The following DCDC2 variants were observed in gnomAD, a reference collection of about 807,000 sequenced individuals.
DCDC2 encodes the protein doublecortin domain containing 2.
Under a neutral mutation model 50.2 loss-of-function variants are expected in DCDC2, and 40 were observed. The observed-to-expected ratio is 0.80, with a 90% CI of 0.62 to 1.04. DCDC2 has a LOEUF of 1.04. Ranked by LOEUF, DCDC2 falls within the 50% of genes least tolerant of loss-of-function variation. DCDC2 has a pLI of 0.00. For missense variants in DCDC2, 570 were observed against 581.9 expected (o/e 0.98, Z 0.21); for synonymous variants, 234 against 210.6 (o/e 1.11, Z -0.96).
intron 7 of DCDC2, among the ~76,000 whole-genome samples, chr6:24,233,032 GT>G (rs1762371097): frequency 6.6e-6 from 1 of 152,154 alleles, no homozygotes; most frequent in African/African-American, 2.4e-5. Flanking sequence ...TGAGTTATTT[GT>G]TTTCTATGTT....
intron 7 of DCDC2, among the ~76,000 whole-genome samples, chr6:24,209,027 T>C (rs9467076): frequency 0.11 from 17,181 of 152,162 alleles, 1,055 homozygotes; most frequent in Middle Eastern, 0.16. Flanking sequence ...TTAAAATCAT[T>C]TGATGCCAAA....
intron 7 of DCDC2, among the ~76,000 whole-genome samples, chr6:24,217,362 A>G (rs1164948556): frequency 6.6e-6 from 1 of 152,260 alleles, no homozygotes; most frequent in African/African-American, 2.4e-5. Flanking sequence ...ACCGAGTAAC[A>G]TCTCTAATAA....
Position 24,353,892 on chromosome 6 carries a change from T to C in DCDC2, c.294-269A>G, listed in dbSNP as rs928085614. Among the ~76,000 whole-genome samples the C allele has an allele frequency of 9.2e-5, 14 of 152,354 alleles. No individual in the cohort carries two copies. The South Asian group carries it at 1.4e-3, about 16-fold the overall frequency. ...ATTAGAGAACATTTTTCCCTCTTAATAGTTAGCTGCTTACTATATACACTA... is the reference window on the plus strand; with the variant it reads ...ATTAGAGAACATTTTTCCCTCTTAACAGTTAGCTGCTTACTATATACACTA... On this transcript the variant is annotated intron_variant, in intron 1 of 9. Coordinates refer to ENST00000378454, the MANE Select transcript of DCDC2 (RefSeq NM_016356.5).
At chr6:24,350,254 G>A (rs1051998124) in intron 2 of DCDC2, among the ~76,000 whole-genome samples, 3 of 152,256 alleles carry the variant, frequency 2.0e-5, no homozygotes, top group South Asian at 2.1e-4. Flanking sequence ...CAATAAGCAG[G>A]TGCCATCTTG....
chr6:24,243,857 G>A (rs1276383598), intron 7 of DCDC2, among the ~76,000 whole-genome samples: 1 of 152,162 alleles, frequency 6.6e-6, no homozygotes, highest in African/African-American at 2.4e-5. Context: ...AGGGAAGAGA[G>A]ATAGGGAGAG....
At chr6:24,221,255 C>G (rs903556650) in intron 7 of DCDC2, among the ~76,000 whole-genome samples, 15 of 152,220 alleles carry the variant, frequency 9.9e-5, no homozygotes, top group South Asian at 2.1e-4. Context: ...AGAATTTGGC[C>G]TCACTTCAGC....
At chr6:24,379,285 A>T in the DCDC2 span, among the ~76,000 whole-genome samples, 1 of 152,220 alleles carries the variant, frequency 6.6e-6, no homozygotes, top group Non-Finnish European at 1.5e-5. Context: ...TTTGCAATCT[A>T]TCCATCTGAC....
At chr6:24,371,663 A>G in the DCDC2 span, among the ~76,000 whole-genome samples, 2 of 152,210 alleles carry the variant, frequency 1.3e-5, no homozygotes, top group Admixed American at 6.5e-5. Context: ...ACAGCAAAAG[A>G]TACTACCATC....
chr6:24,192,348 G>T (rs914385960), intron 8 of DCDC2, among the ~76,000 whole-genome samples: 31 of 151,372 alleles, frequency 2.0e-4, no homozygotes, highest in African/African-American at 6.3e-4. Flanking sequence ...GCCTGCCAAT[G>T]AAATGGCCAA....
chr6:24,191,822 G>C (rs572143663), intron 8 of DCDC2, among the ~76,000 whole-genome samples: 6 of 152,280 alleles, frequency 3.9e-5, no homozygotes, highest in African/African-American at 1.4e-4. Flanking sequence ...AGTGGAAAGG[G>C]AATATCAACC....
At chr6:24,345,180 A>G (rs1760232695) in intron 2 of DCDC2, among the ~76,000 whole-genome samples, 2 of 152,110 alleles carry the variant, frequency 1.3e-5, no homozygotes, top group South Asian at 2.1e-4. Context: ...TAAACCACAT[A>G]ATCACCATGC....
At chr6:24,263,365 G>C (rs994520507) in intron 7 of DCDC2, among the ~76,000 whole-genome samples, 2 of 152,062 alleles carry the variant, frequency 1.3e-5, no homozygotes, top group Non-Finnish European at 2.9e-5. Context: ...AGACCATCCC[G>C]AGAAACATGA....
intron 8 of DCDC2, among the ~76,000 whole-genome samples, chr6:24,187,089 C>T (rs79696226): frequency 0.026 from 3,996 of 152,204 alleles, 88 homozygotes; most frequent in African/African-American, 0.058. Flanking sequence ...ACCTTCCCTC[C>T]CCAGCCCCAC....
intron 8 of DCDC2, among the ~76,000 whole-genome samples, chr6:24,198,462 T>C (rs1289441627): frequency 6.6e-6 from 1 of 152,204 alleles, no homozygotes; most frequent in Admixed American, 6.5e-5. Flanking sequence ...CGAGGAATGG[T>C]GCATTCCAGC....
At chr6:24,274,214 C>T (rs753916973) in intron 7 of DCDC2, among the ~76,000 whole-genome samples, 6 of 152,180 alleles carry the variant, frequency 3.9e-5, no homozygotes, top group African/African-American at 7.2e-5. Context: ...ATACTTCTTG[C>T]GTTCACAAGG....
intron 4 of DCDC2, among the ~76,000 whole-genome samples, chr6:24,297,133 T>A (rs990319450): frequency 3.9e-5 from 6 of 152,000 alleles, no homozygotes; most frequent in African/African-American, 1.5e-4. Flanking sequence ...TATGCAGCCA[T>A]AAAAAAGGGT....
intron 2 of DCDC2, among the ~76,000 whole-genome samples, chr6:24,332,992 G>A (rs1388915750): frequency 1.3e-5 from 2 of 152,156 alleles, no homozygotes; most frequent in African/African-American, 4.8e-5. Context: ...AAGGCCTGAT[G>A]TATATCAATA....
chr6:24,216,175 G>A (rs1761971332), intron 7 of DCDC2, among the ~76,000 whole-genome samples: 1 of 152,106 alleles, frequency 6.6e-6, no homozygotes, highest in African/African-American at 2.4e-5. Context: ...TGTAGACTTG[G>A]GAACAGTCAG....
intron 8 of DCDC2, among the ~76,000 whole-genome samples, chr6:24,186,188 C>T (rs768361851): frequency 2.0e-5 from 3 of 152,164 alleles, no homozygotes; most frequent in African/African-American, 4.8e-5. Flanking sequence ...AATTAGTATA[C>T]GCGCTTAAGC....
Sources: allele counts gnomAD v4.1 joint callset (sites outside exome capture counted in the v4.1 genomes callset), GRCh38; gene constraint gnomAD v4.1.1; transcripts MANE v1.5; gene names NCBI Gene and HGNC (gene_info 2026-07-23, HGNC 2026-07-21).